Variants in TUNAR observed in about 807,000 individuals in gnomAD.
The protein encoded by TUNAR is transmembrane neural differentiation associated intracellular calcium regulator.
At chr14:95,897,997 C>A (rs895078500) in intron 2 of TUNAR, among the ~76,000 whole-genome samples, 2 of 152,136 alleles carry the variant, frequency 1.3e-5, no homozygotes. Context: ...GCTCTCCCCT[C>A]CTCTACCCAG....
intron 2 of TUNAR, among the ~76,000 whole-genome samples, chr14:95,902,561 T>C (rs1484897040): frequency 6.6e-6 from 1 of 152,216 alleles, no homozygotes; most frequent in East Asian, 1.9e-4. Context: ...CAGCAAGACC[T>C]GAGTGCTAGG....
In TUNAR at chr14:95,888,684, G is replaced by A. The variant is rs191083073; in HGVS notation, c.12+11507G>A. ...CCATTGACCCAAGAGAGAGCAAGAG[G>A]TTGTAGTGCGTGGGGGTGTCTGTCT... On this transcript the variant is annotated intron_variant, in intron 2 of 2. Transcript: ENST00000678517. 1.4e-4 allele frequency among the ~76,000 whole-genome samples: 21 copies of A among 152,300 alleles called. No individual in the cohort carries two copies. In the East Asian group the frequency reaches 4.1e-3, roughly 29 times the overall value.
At chr14:95,881,226 T>C (rs1044202855) in intron 2 of TUNAR, among the ~76,000 whole-genome samples, 1 of 152,242 alleles carries the variant, frequency 6.6e-6, no homozygotes, top group African/African-American at 2.4e-5. Context: ...ATGCATTAGA[T>C]TTCTTTTAAC....
At chr14:95,891,184 G>A (rs1230615731) in intron 2 of TUNAR, among the ~76,000 whole-genome samples, 8 of 152,224 alleles carry the variant, frequency 5.3e-5, no homozygotes, top group Non-Finnish European at 1.2e-4. Flanking sequence ...CACTCAAAGT[G>A]ACTGATTTCT....
chr14:95,878,862 G>T (rs751144294), intron 2 of TUNAR, among the ~76,000 whole-genome samples: 2 of 152,234 alleles, frequency 1.3e-5, no homozygotes, highest in Non-Finnish European at 2.9e-5. Context: ...AATGCATTAA[G>T]AAGATGCCCA....
At chr14:95,919,716 A>T (rs1184073456) in intron 2 of TUNAR, among the ~76,000 whole-genome samples, 1 of 152,032 alleles carries the variant, frequency 6.6e-6, no homozygotes, top group South Asian at 2.1e-4. Flanking sequence ...CTGTCTCAAA[A>T]TAATAATAAT....
intron 2 of TUNAR, among the ~76,000 whole-genome samples, chr14:95,900,236 G>T (rs1311354982): frequency 6.6e-6 from 1 of 152,230 alleles, no homozygotes; most frequent in African/African-American, 2.4e-5. Context: ...CTGCAACTCA[G>T]AGGGAGAGAC....
intron 2 of TUNAR, among the ~76,000 whole-genome samples, chr14:95,901,466 G>A (rs1889352667): frequency 6.6e-6 from 1 of 152,234 alleles, no homozygotes; most frequent in Non-Finnish European, 1.5e-5. Flanking sequence ...CCAGGAATAA[G>A]GAAGTTAAGG....
At chr14:95,884,461 G>A (rs1047960089) in intron 2 of TUNAR, among the ~76,000 whole-genome samples, 3 of 152,180 alleles carry the variant, frequency 2.0e-5, no homozygotes, top group Non-Finnish European at 4.4e-5. Context: ...TTTCTGTCTT[G>A]CCACTATGCT....
intron 2 of TUNAR, among the ~76,000 whole-genome samples, chr14:95,912,614 T>G (rs1401657209): frequency 2.6e-5 from 4 of 152,198 alleles, no homozygotes; most frequent in Non-Finnish European, 5.9e-5. Context: ...TTTCTAGATC[T>G]AACACTAGCT....
intron 2 of TUNAR, among the ~76,000 whole-genome samples, chr14:95,883,776 A>G (rs1457825479): frequency 6.6e-6 from 1 of 152,116 alleles, no homozygotes; most frequent in Non-Finnish European, 1.5e-5. Flanking sequence ...AGATTGGGTC[A>G]CTGCAGGTTT....
At chr14:95,893,593 C>G (rs747246199) in intron 2 of TUNAR, among the ~76,000 whole-genome samples, 19 of 151,980 alleles carry the variant, frequency 1.3e-4, no homozygotes, top group Non-Finnish European at 1.9e-4. Flanking sequence ...CCCCATCAAG[C>G]AGCCAGCAGA....
At chr14:95,885,812 A>G (rs2139653593) in intron 2 of TUNAR, among the ~76,000 whole-genome samples, 1 of 152,286 alleles carries the variant, frequency 6.6e-6, no homozygotes, top group South Asian at 2.1e-4. Context: ...ATATTATAGG[A>G]TAGTGAAGAT....
intron 2 of TUNAR, among the ~76,000 whole-genome samples, chr14:95,918,051 G>A (rs1483143897): frequency 6.6e-6 from 1 of 152,220 alleles, no homozygotes; most frequent in African/African-American, 2.4e-5. Flanking sequence ...CAAGCTTTAT[G>A]TCAGACATTG....
At chr14:95,890,495 G>A (rs80136628) in intron 2 of TUNAR, among the ~76,000 whole-genome samples, 221 of 152,284 alleles carry the variant, frequency 1.5e-3, no homozygotes, top group African/African-American at 5.0e-3. Context: ...CTAAACAGCT[G>A]TGGCTGGGAG....
At chr14:95,898,104 C>T (rs1015371835) in intron 2 of TUNAR, among the ~76,000 whole-genome samples, 7 of 152,118 alleles carry the variant, frequency 4.6e-5, no homozygotes, top group Non-Finnish European at 1.0e-4. Context: ...TAAGTTACCT[C>T]CTAAGAAAAG....
chr14:95,891,488 G>C (rs1417330666), intron 2 of TUNAR, among the ~76,000 whole-genome samples: 1 of 152,214 alleles, frequency 6.6e-6, no homozygotes, highest in Non-Finnish European at 1.5e-5. Flanking sequence ...ATAGGGCAAG[G>C]CTTACTGGCC....
At chr14:95,902,822 T>C (rs531143032) in intron 2 of TUNAR, among the ~76,000 whole-genome samples, 8 of 152,298 alleles carry the variant, frequency 5.3e-5, no homozygotes, top group African/African-American at 1.4e-4. Context: ...TTTCCCTGCA[T>C]CGTTTCAACT....
intron 2 of TUNAR, among the ~76,000 whole-genome samples, chr14:95,905,641 T>A (rs1270660447): frequency 6.6e-6 from 1 of 152,226 alleles, no homozygotes; most frequent in African/African-American, 2.4e-5. Flanking sequence ...GTCACTGTCT[T>A]TTCTTCGTAA....
Sources: allele counts gnomAD v4.1 joint callset (sites outside exome capture counted in the v4.1 genomes callset), GRCh38; gene constraint gnomAD v4.1.1; transcripts MANE v1.5; gene names NCBI Gene and HGNC (gene_info 2026-07-23, HGNC 2026-07-21).